The following CAMSAP1 variants were observed in gnomAD, a reference collection of about 807,000 sequenced individuals.
The protein encoded by CAMSAP1 is calmodulin-regulated spectrin-associated protein 1.
Under a neutral mutation model 143.5 loss-of-function variants are expected in CAMSAP1, and 58 were observed. The observed-to-expected ratio is 0.40, with a 90% CI of 0.33 to 0.50. The LOEUF is 0.50. Ranked by LOEUF, CAMSAP1 falls within the 20% of genes least tolerant of loss-of-function variation. The pLI, the probability that CAMSAP1 is intolerant of heterozygous loss-of-function variation, is 0.45. For missense variants in CAMSAP1, 1,969 were observed against 2,115.7 expected (o/e 0.93, Z 1.36); for synonymous variants, 945 against 859.3 (o/e 1.10, Z -1.74).
intron 5 of CAMSAP1, among the ~76,000 whole-genome samples, chr9:135,855,165 T>A (rs2130914572): frequency 6.6e-6 from 1 of 152,230 alleles, no homozygotes; most frequent in South Asian, 2.1e-4. Context: ...CCAATTTTTG[T>A]ATTTTTAGTA....
At chr9:135,879,042 T>G (rs1053640834) in intron 3 of CAMSAP1, among the ~76,000 whole-genome samples, 1 of 152,090 alleles carries the variant, frequency 6.6e-6, no homozygotes, top group African/African-American at 2.4e-5. Flanking sequence ...GAACATCAAG[T>G]CTGACTGTGA....
chr9:135,865,007 CA>C (rs758026275), intron 4 of CAMSAP1, among the ~76,000 whole-genome samples: 5 of 152,184 alleles, frequency 3.3e-5, no homozygotes, highest in Non-Finnish European at 5.9e-5. Context: ...ACAAAATATA[CA>C]GAGTAACTTG....
intron 16 of CAMSAP1, among the ~76,000 whole-genome samples, chr9:135,812,553 G>A (rs1835089178): frequency 1.3e-5 from 2 of 152,070 alleles, no homozygotes; most frequent in African/African-American, 4.8e-5. Context: ...TTCTTTTTAT[G>A]AGGATGAAAA....
At chr9:135,862,677 C>T in intron 4 of CAMSAP1, 69 bp from the exon 5 acceptor site, 3 of 1,467,128 alleles carry the variant, frequency 2.0e-6, no homozygotes, top group Non-Finnish European at 1.9e-6. Context: ...GTTACAGGCA[C>T]ACTGTTAGAT....
At chr9:135,829,521 CAAA>C (rs917726545) in intron 7 of CAMSAP1, among the ~76,000 whole-genome samples, 4 of 151,196 alleles carry the variant, frequency 2.6e-5, no homozygotes, top group Non-Finnish European at 4.4e-5. Flanking sequence ...GACCTTGTCT[CAAA>C]GAAGAAAAAA....
chr9:135,819,441 G>A (rs1835361213), intron 11 of CAMSAP1, among the ~76,000 whole-genome samples: 1 of 152,132 alleles, frequency 6.6e-6, no homozygotes. Flanking sequence ...GCTCATTCCT[G>A]TAATCCCAGC....
rs891912074 is a variant in CAMSAP1 at position 135,817,970 on chromosome 9, C to A, written c.4271+7G>T. The A allele has an allele frequency of 6.2e-7, 1 of 1,613,434 alleles. No individual in the cohort carries two copies. Among genetic ancestry groups the A allele is most frequent in the Admixed American group, 1.7e-5 (1 of 60,008 alleles). The stretch of plus-strand genomic sequence containing the variant: ...CCCCGTGCCGGCGGCCGTCTCAGGC[C>A]CCTTACCGCTGAGAGGGTGTGCCCC... On this transcript the variant is annotated splice_region_variant and intron_variant, in intron 14 of 16. Coordinates refer to ENST00000389532, the MANE Select transcript of CAMSAP1 (RefSeq NM_015447.4).
intron 1 of CAMSAP1, among the ~76,000 whole-genome samples, chr9:135,898,119 A>C (rs1375362375): frequency 1.3e-5 from 2 of 152,226 alleles, no homozygotes; most frequent in African/African-American, 4.8e-5. Context: ...TAGAAAAAGA[A>C]GACCAAAATA....
chr9:135,813,877 T>C lies in CAMSAP1; in HGVS notation c.4506+1220A>G, dbSNP rs113245963. ...CATCCAGTCTCAAAAGGGCTTTCCA[T>C]GGCCCACAGGCTGCTGTGGATCCAC... On this transcript the variant is annotated intron_variant, in intron 16 of 16. Transcript: ENST00000389532. Among the ~76,000 whole-genome samples, 33 of 152,336 alleles carry C rather than the reference T, an allele frequency of 2.2e-4. No homozygotes were observed. The Middle Eastern group carries it at 0.01, about 47-fold the overall frequency.
chr9:135,873,359 T>C (rs1837628190), intron 3 of CAMSAP1, among the ~76,000 whole-genome samples: 1 of 152,150 alleles, frequency 6.6e-6, no homozygotes, highest in African/African-American at 2.4e-5. Flanking sequence ...TTTAAATACC[T>C]GCCTTCAAAA....
At chr9:135,817,775 G>A (rs1835285679) in intron 14 of CAMSAP1, 2 of 562,084 alleles carry the variant, frequency 3.6e-6, no homozygotes, top group East Asian at 6.1e-5. Flanking sequence ...TAAGGTGAAG[G>A]CTGCCACGTT....
chr9:135,810,629 G>C lies in CAMSAP1; in HGVS notation c.*680C>G, dbSNP rs775408029. ...TAGACGTTGTTCTAGCGGAAGACAG[G>C]CTTTGCAGATTTCGGTGCTTTTAGT... On this transcript the variant is annotated 3_prime_UTR_variant, in exon 17 of 17. Transcript: ENST00000389532. 4 of 152,670 alleles carry C rather than the reference G, an allele frequency of 2.6e-5. No homozygotes were observed. Among genetic ancestry groups the C allele is most frequent in the Non-Finnish European group, 5.9e-5 (4 of 68,078 alleles). 9.5% of individuals were successfully genotyped at this position (152,670 alleles called of 1,614,324 possible). A position where few individuals can be genotyped will look rare whatever the true frequency, so the allele number is the denominator to read the frequency against.
At chr9:135,873,241 C>G (rs956005789) in intron 3 of CAMSAP1, among the ~76,000 whole-genome samples, 1 of 152,030 alleles carries the variant, frequency 6.6e-6, no homozygotes. Context: ...AGTGAGAAAA[C>G]AAGAATCCAC....
chr9:135,890,823 A>G (rs895584570), intron 1 of CAMSAP1, among the ~76,000 whole-genome samples: 5 of 152,234 alleles, frequency 3.3e-5, no homozygotes, highest in Admixed American at 6.5e-5. Context: ...ACAAGACATC[A>G]TGAGCAAAAG....
In CAMSAP1 at chr9:135,907,120, T is replaced by C. The variant is rs1838809206; in HGVS notation, c.40A>G (p.Arg14Gly). The change falls in exon 1 of 17, where the codon AGG becomes GGG. Residue 14 changes from arginine to glycine, a missense_variant. Arg to Gly is a moderately radical substitution (Grantham distance 125). This residue lies in a region of CAMSAP1 where 215 missense variants were observed against 196.2 expected (regional missense o/e 1.10). Coordinates refer to ENST00000389532, the MANE Select transcript of CAMSAP1 (RefSeq NM_015447.4). ...ASGRAAAEGW[R>G]KMEAPPDGAA... ...CCGTCCGGCGGGGCCTCCATCTTCC[T>C]CCAGCCCTCGGCGGCGGCGCGGCCG... 1.8e-6 allele frequency: 2 copies of C among 1,123,670 alleles called. No homozygotes were observed. The highest frequency in any genetic ancestry group is 5.1e-5 in the Admixed American group (1 of 19,530). 69.6% of individuals were successfully genotyped at this position (1,123,670 alleles called of 1,614,324 possible).
In CAMSAP1 at chr9:135,822,624, A is replaced by G. The variant is rs1564421749; in HGVS notation, c.2037T>C (p.Cys679=). Residue 679 remains cysteine (C), a synonymous_variant, in exon 11 of 17, where the codon TGT becomes TGC. Coordinates refer to ENST00000389532, the MANE Select transcript of CAMSAP1 (RefSeq NM_015447.4). This position sits in a 1 kb window ranked among gnomAD's most constrained non-coding sequence, Gnocchi z 6.1. ...PLSVETAGEV[C]GGPLALGGFD... ...ATCCGCCAAGGGCCAGAGGCCCACC[A>G]CAGACCTCTCCTGCGGTTTCCACTG... is the stretch of plus-strand genomic sequence containing the variant. 1 of 1,611,150 alleles carries G rather than the reference A, an allele frequency of 6.2e-7. No homozygotes were observed. Among genetic ancestry groups the G allele is most frequent in the Non-Finnish European group, 8.5e-7 (1 of 1,178,968 alleles).
intron 7 of CAMSAP1, among the ~76,000 whole-genome samples, chr9:135,837,985 A>G (rs62584820): frequency 0.37 from 47,711 of 127,944 alleles, 9,502 homozygotes; most frequent in African/African-American, 0.59. Flanking sequence ...ACATCATCAC[A>G]CGCTTTCTAC....
intron 7 of CAMSAP1, among the ~76,000 whole-genome samples, chr9:135,848,279 T>G (rs962262132): frequency 6.6e-6 from 1 of 152,042 alleles, no homozygotes; most frequent in African/African-American, 2.4e-5. Context: ...CTTAAGAACA[T>G]TCTAACAGCA....
chr9:135,821,428 G>T lies in CAMSAP1; in HGVS notation c.3233C>A (p.Pro1078Gln), dbSNP rs1417433120. Reference sequence around the variant, plus strand: ...GCCAGCCACGCCCGTGGGAGAGAGTGGCTCCACGAAGTGGACTGGTGCCTT... The same window carrying T: ...GCCAGCCACGCCCGTGGGAGAGAGTTGCTCCACGAAGTGGACTGGTGCCTT... ...KVKAPVHFVE[P>Q]LSPTGVAGHR... is the part of the protein sequence containing the mutation. The change falls in exon 11 of 17, where the codon CCA becomes CAA. Residue 1078 changes from proline to glutamine, a missense_variant. Transcript: ENST00000389532. The surrounding 1 kb of genome is among the most constrained non-coding windows in gnomAD (Gnocchi z 4.6). 3 of 1,614,044 alleles carry T rather than the reference G, an allele frequency of 1.9e-6. No individual in the cohort carries two copies. In the South Asian group the frequency reaches 3.3e-5, roughly 18 times the overall value.
Sources: allele counts gnomAD v4.1 joint callset (sites outside exome capture counted in the v4.1 genomes callset), GRCh38; gene constraint gnomAD v4.1.1; regional missense constraint gnomAD v4.1.1; non-coding constraint Gnocchi (gnomAD v3.1); transcripts MANE v1.5; gene names NCBI Gene and HGNC (gene_info 2026-07-23, HGNC 2026-07-21).